The following ROR1 variants were observed in gnomAD, a reference collection of about 807,000 sequenced individuals.
ROR1 encodes ROR family WNT receptor 1, also known as inactive tyrosine-protein kinase transmembrane receptor ROR1.
A neutral mutation model predicts 78.8 loss-of-function variants in ROR1; 19 were observed. The observed-to-expected ratio is 0.24, with a 90% CI of 0.17 to 0.35. ROR1 has a LOEUF of 0.35. Among genes scored for constraint, ROR1 ranks in the 10% least tolerant of loss-of-function variants. The pLI is 1.00. For synonymous variants in ROR1, 386 were observed against 433.6 expected, an observed-to-expected ratio of 0.89 and a Z score of 1.36; for missense variants, 917 against 1,177.8, an observed-to-expected ratio of 0.78 and a Z score of 3.24.
At chr1:63,857,358 G>A (rs888541922) in intron 1 of ROR1, among the ~76,000 whole-genome samples, 1 of 152,094 alleles carries the variant, frequency 6.6e-6, no homozygotes, top group Non-Finnish European at 1.5e-5. Flanking sequence ...GAGGTAAAGG[G>A]ACCAAGAATA....
intron 1 of ROR1, among the ~76,000 whole-genome samples, chr1:63,822,789 C>G (rs1338932686): frequency 2.6e-5 from 4 of 152,132 alleles, no homozygotes; most frequent in Non-Finnish European, 5.9e-5. Flanking sequence ...ACTCCTCTCT[C>G]TGTTTCATTA....
chr1:63,817,939 C>T (rs1002282910), intron 1 of ROR1, among the ~76,000 whole-genome samples: 9 of 152,246 alleles, frequency 5.9e-5, no homozygotes, highest in East Asian at 1.9e-4. Flanking sequence ...AGTGTCTCTA[C>T]GGAACCCACT....
intron 2 of ROR1, 132 bp downstream of exon 2, chr1:64,009,508 G>A: frequency 1.5e-6 from 1 of 660,012 alleles, no homozygotes; most frequent in Non-Finnish European, 2.8e-6. Context: ...TAAATCCCCA[G>A]CTTACTTTGT....
intron 2 of ROR1, among the ~76,000 whole-genome samples, chr1:64,016,733 T>TATATATATATATATATA (rs1553151713): frequency 1.7e-4 from 24 of 140,610 alleles, no homozygotes; most frequent in African/African-American, 5.9e-4. Context: ...TAAAATATAA[T>TATATATATATATATATA]TATATATATA....
intron 1 of ROR1, among the ~76,000 whole-genome samples, chr1:63,999,753 A>G (rs1179602917): frequency 6.6e-6 from 1 of 152,198 alleles, no homozygotes; most frequent in Non-Finnish European, 1.5e-5. Context: ...TTAAACTCCA[A>G]ATGAACATAA....
At chr1:64,045,659 C>G (rs1452224634) in intron 2 of ROR1, among the ~76,000 whole-genome samples, 1 of 152,122 alleles carries the variant, frequency 6.6e-6, no homozygotes, top group African/African-American at 2.4e-5. Flanking sequence ...CTTACCCTCT[C>G]TGTTTTCCAT....
chr1:64,133,359 G>C (rs760857804), intron 4 of ROR1, among the ~76,000 whole-genome samples: 1 of 152,212 alleles, frequency 6.6e-6, no homozygotes, highest in Non-Finnish European at 1.5e-5. Context: ...AGTCTCTGCA[G>C]AACAGCATTT....
chr1:63,959,305 G>T (rs1388821488), intron 1 of ROR1, among the ~76,000 whole-genome samples: 1 of 129,142 alleles, frequency 7.7e-6, no homozygotes, highest in Non-Finnish European at 1.5e-5. Context: ...GACACGTGGG[G>T]ATTAGGGGAA....
chr1:63,803,688 T>C (rs1644809847), intron 1 of ROR1, among the ~76,000 whole-genome samples: 1 of 152,210 alleles, frequency 6.6e-6, no homozygotes, highest in South Asian at 2.1e-4. Flanking sequence ...CCAGCCATTG[T>C]ACTCCTGGAC....
intron 1 of ROR1, among the ~76,000 whole-genome samples, chr1:63,899,128 G>A (rs2100400498): frequency 6.6e-6 from 1 of 152,090 alleles, no homozygotes; most frequent in East Asian, 1.9e-4. Context: ...TCAGATCTGG[G>A]GTGTGGACCA....
intron 8 of ROR1, among the ~76,000 whole-genome samples, chr1:64,164,316 T>C (rs1650026203): frequency 6.6e-6 from 1 of 152,190 alleles, no homozygotes; most frequent in Non-Finnish European, 1.5e-5. Context: ...CACACTTTTC[T>C]CTTAGTTTAT....
intron 4 of ROR1, among the ~76,000 whole-genome samples, chr1:64,076,240 T>G (rs1647049620): frequency 6.6e-6 from 1 of 152,206 alleles, no homozygotes; most frequent in Non-Finnish European, 1.5e-5. Context: ...CCCCAAGTAC[T>G]TTGAAATTGG....
Position 63,836,009 on chromosome 1 carries a change from A to G in ROR1, c.91+61501A>G, listed in dbSNP as rs142423656. On this transcript the variant is annotated intron_variant, in intron 1 of 8. Coordinates refer to ENST00000371079, the MANE Select transcript of ROR1 (RefSeq NM_005012.4). ...CTTCTTGATTCTATTGTCTCCCAGC[A>G]GAGATTTTATAATTTGAAAACATTG... Among the ~76,000 whole-genome samples the G allele has an allele frequency of 7.2e-4, 109 of 152,344 alleles. 1 individual carries two copies. In the East Asian group the frequency reaches 0.016, roughly 22 times the overall value.
At chr1:64,039,604 A>C (rs1332019669) in intron 2 of ROR1, among the ~76,000 whole-genome samples, 1 of 152,218 alleles carries the variant, frequency 6.6e-6, no homozygotes, top group Non-Finnish European at 1.5e-5. Flanking sequence ...CTGAAAGCAC[A>C]ACTGTTGCAT....
At chr1:63,909,275 A>G (rs1021615373) in intron 1 of ROR1, among the ~76,000 whole-genome samples, 1 of 152,176 alleles carries the variant, frequency 6.6e-6, no homozygotes, top group Non-Finnish European at 1.5e-5. Context: ...GCTGATGGTC[A>G]TTACATTTAT....
intron 4 of ROR1, among the ~76,000 whole-genome samples, chr1:64,082,066 A>C (rs2100632779): frequency 6.6e-6 from 1 of 152,264 alleles, no homozygotes; most frequent in African/African-American, 2.4e-5. Flanking sequence ...CCAGAGATAA[A>C]ATTTTGGAGT....
At chr1:63,977,088 A>G (rs1412532636) in intron 1 of ROR1, among the ~76,000 whole-genome samples, 2 of 152,102 alleles carry the variant, frequency 1.3e-5, no homozygotes, top group African/African-American at 4.8e-5. Context: ...AGCCCCTTAT[A>G]AAACCATCAG....
chr1:63,926,193 A>C lies in ROR1; in HGVS notation c.92-83112A>C, dbSNP rs1390835186. Among the ~76,000 whole-genome samples, 26 of 150,640 alleles carry C rather than the reference A, an allele frequency of 1.7e-4. No individual in the cohort carries two copies. The South Asian group carries it at 5.3e-3, about 31-fold the overall frequency. ...ATCCATCTTGAATTGATTTTTGTATAAGGTGTAAGGAAGGGATCCAGTTTC... is the reference window on the plus strand; with the variant it reads ...ATCCATCTTGAATTGATTTTTGTATCAGGTGTAAGGAAGGGATCCAGTTTC... On this transcript the variant is annotated intron_variant, in intron 1 of 8. Coordinates refer to ENST00000371079, the MANE Select transcript of ROR1 (RefSeq NM_005012.4).
At position 64,049,996 on chromosome 1, in the gene ROR1, G is replaced by A. The variant is rs1222756595; in HGVS notation, c.451+18G>A. The A allele has an allele frequency of 6.2e-7, 1 of 1,613,060 alleles. No homozygotes were observed. Among genetic ancestry groups the A allele is most frequent in the Non-Finnish European group, 8.5e-7 (1 of 1,179,488 alleles). On this transcript the variant is annotated intron_variant, in intron 3 of 8. Coordinates refer to ENST00000371079, the MANE Select transcript of ROR1 (RefSeq NM_005012.4). ...CAAGTTTGGTAAGCAGACCCCTACT[G>A]GGGATGGACTTTGGCCCTCAGCCCA...
Sources: allele counts gnomAD v4.1 joint callset (sites outside exome capture counted in the v4.1 genomes callset), GRCh38; gene constraint gnomAD v4.1.1; transcripts MANE v1.5; gene names NCBI Gene and HGNC (gene_info 2026-07-23, HGNC 2026-07-21).